CACNA1D: variants seen among roughly 807,000 people sequenced by gnomAD.
CACNA1D encodes calcium voltage-gated channel subunit alpha1 D.
CACNA1D carries 55 observed loss-of-function variants against 257.1 expected under a neutral mutation model. The observed-to-expected ratio is 0.21, with a 90% CI of 0.17 to 0.27. CACNA1D has a LOEUF of 0.27. Among genes scored for constraint, CACNA1D ranks in the 10% least tolerant of loss-of-function variants. The pLI is 1.00. For synonymous variants in CACNA1D, 980 were observed against 1,014.9 expected, an observed-to-expected ratio of 0.97 and a Z score of 0.65; for missense variants, 1,876 against 2,784.0, an observed-to-expected ratio of 0.67 and a Z score of 7.34.
intron 8 of CACNA1D, among the ~76,000 whole-genome samples, chr3:53,688,249 G>A (rs2094490559): frequency 1.3e-5 from 2 of 152,200 alleles, no homozygotes; most frequent in Admixed American, 6.5e-5. Context: ...ATCTGGCTGC[G>A]AGCTGTGCCA....
chr3:53,587,114 G>C (rs1392245860), intron 3 of CACNA1D, among the ~76,000 whole-genome samples: 10 of 152,222 alleles, frequency 6.6e-5, no homozygotes. Context: ...AGCCACTAAA[G>C]GGTTTTAAGC....
intron 8 of CACNA1D, among the ~76,000 whole-genome samples, chr3:53,678,742 G>A (rs2094399893): frequency 6.6e-6 from 1 of 151,932 alleles, no homozygotes; most frequent in Non-Finnish European, 1.5e-5. Flanking sequence ...TGCTGGTGCC[G>A]GTGTACTGTG....
intron 8 of CACNA1D, among the ~76,000 whole-genome samples, chr3:53,691,835 A>G (rs1286641734): frequency 1.0e-5 from 1 of 96,574 alleles, no homozygotes; most frequent in African/African-American, 4.0e-5. Flanking sequence ...TCTATAATAT[A>G]TATTACATAT....
At chr3:53,526,548 A>T (rs1367265224) in intron 3 of CACNA1D, among the ~76,000 whole-genome samples, 1 of 152,224 alleles carries the variant, frequency 6.6e-6, no homozygotes, top group Non-Finnish European at 1.5e-5. Flanking sequence ...CCTTGACCCT[A>T]ACCTTAATGG....
intron 3 of CACNA1D, among the ~76,000 whole-genome samples, chr3:53,636,509 T>C (rs986924908): frequency 1.3e-5 from 2 of 152,186 alleles, no homozygotes; most frequent in African/African-American, 2.4e-5. Flanking sequence ...TTTCACCCTG[T>C]TGGCCAAGCT....
chr3:53,675,907 A>G (rs1490297247), intron 8 of CACNA1D, among the ~76,000 whole-genome samples: 8 of 152,226 alleles, frequency 5.3e-5, no homozygotes, highest in South Asian at 4.1e-4. Flanking sequence ...GAGGCTGCAC[A>G]TGACCTCCTC....
At chr3:53,627,472 T>C (rs1334868547) in intron 3 of CACNA1D, among the ~76,000 whole-genome samples, 1 of 152,048 alleles carries the variant, frequency 6.6e-6, no homozygotes, top group African/African-American at 2.4e-5. Flanking sequence ...CAAACGTGAT[T>C]GTCTTGATGA....
chr3:53,728,296 G>A (rs2094955840), intron 15 of CACNA1D, among the ~76,000 whole-genome samples: 1 of 152,070 alleles, frequency 6.6e-6, no homozygotes, highest in Non-Finnish European at 1.5e-5. Context: ...GCACCACCAT[G>A]CCCAGCTAAT....
At position 53,665,740 on chromosome 3, in the gene CACNA1D, A is replaced by C. The variant is rs754201031; in HGVS notation, c.847A>C (p.Ile283Leu). ...AGCCCTTTTGGTATTATTTGTAATC[A>C]TAATCTATGCTATTATAGGATTGGA... Reference protein sequence around the residue: ...HIALLVLFVIIIYAIIGLELF... With the variant: ...HIALLVLFVILIYAIIGLELF... Residue 283 changes from isoleucine (I) to leucine (L), a missense_variant, in exon 6 of 48, where the codon ATA becomes CTA. Physicochemically the swap from Ile to Leu is conservative, Grantham distance 5 (BLOSUM62 2). Around this residue, in one of 10 missense-constraint regions of CACNA1D, gnomAD observed 188 missense variants for 390.4 expected, o/e 0.48. Coordinates refer to ENST00000350061, the MANE Select transcript of CACNA1D (RefSeq NM_001128840.3). The C allele has an allele frequency of 6.2e-7, 1 of 1,607,756 alleles. No individual in the cohort carries two copies. Among genetic ancestry groups the C allele is most frequent in the Non-Finnish European group, 8.5e-7 (1 of 1,174,364 alleles).
At position 53,709,452 on chromosome 3, in the gene CACNA1D, G is replaced by A. The variant is rs1029133003; in HGVS notation, c.1390+6642G>A. On this transcript the variant is annotated intron_variant, in intron 9 of 47. Coordinates refer to ENST00000350061, the MANE Select transcript of CACNA1D (RefSeq NM_001128840.3). ...CACATGCCCCTGTGTCTGCGTGCTC[G>A]TGTTCATGGTTTTGTGGGAGAGGAT... is the stretch of plus-strand genomic sequence containing the variant. Among the ~76,000 whole-genome samples the A allele has an allele frequency of 6.6e-5, 10 of 152,224 alleles. No individual in the cohort carries two copies. In the South Asian group the frequency reaches 1.0e-3, roughly 16 times the overall value.
At chr3:53,526,365 G>A (rs2091766149) in intron 3 of CACNA1D, among the ~76,000 whole-genome samples, 1 of 152,202 alleles carries the variant, frequency 6.6e-6, no homozygotes, top group Non-Finnish European at 1.5e-5. Context: ...ACTTGGGGCT[G>A]TATTCCCACC....
chr3:53,712,672 C>T (rs1184734433), intron 9 of CACNA1D, among the ~76,000 whole-genome samples: 1 of 152,120 alleles, frequency 6.6e-6, no homozygotes, highest in African/African-American at 2.4e-5. Flanking sequence ...AGGAAGGCAG[C>T]CACAACTCAG....
intron 2 of CACNA1D, among the ~76,000 whole-genome samples, chr3:53,500,983 T>G (rs1166440400): frequency 6.6e-6 from 1 of 152,240 alleles, no homozygotes; most frequent in Non-Finnish European, 1.5e-5. Context: ...GAAACAGTTA[T>G]AGCCATCGAT....
At chr3:53,726,073 T>A (rs532048775) in intron 14 of CACNA1D, among the ~76,000 whole-genome samples, 2 of 152,340 alleles carry the variant, frequency 1.3e-5, no homozygotes, top group East Asian at 3.9e-4. Flanking sequence ...ATGGACTATG[T>A]GGAATGCTAT....
In CACNA1D at chr3:53,770,072, C is replaced by G; in HGVS notation, c.3915+55C>G. 5 of 1,401,876 alleles carry G rather than the reference C, an allele frequency of 3.6e-6. 1 individual carries two copies. In the South Asian group the frequency reaches 5.8e-5, roughly 16 times the overall value. The allele number at this position is 1,401,876 out of a possible 1,614,324, so 86.8% of individuals were successfully genotyped here. On this transcript the variant is annotated intron_variant, in intron 31 of 47. Coordinates refer to ENST00000350061, the MANE Select transcript of CACNA1D (RefSeq NM_001128840.3). ...GGGCCTTTTCCTTAAGTTTATTTGA[C>G]CATGTCGAGTTTTCCACTGGTTTTT...
chr3:53,645,858 GT>G (rs914695371), intron 3 of CACNA1D, among the ~76,000 whole-genome samples: 3 of 152,156 alleles, frequency 2.0e-5, no homozygotes, highest in Non-Finnish European at 4.4e-5. Flanking sequence ...TGGGGAGACT[GT>G]TTTAGAAAGA....
Position 53,739,134 on chromosome 3 carries a change from A to C in CACNA1D, c.2752-1146A>C, listed in dbSNP as rs145150161. Among the ~76,000 whole-genome samples the C allele has an allele frequency of 1.6e-3, 244 of 152,286 alleles. 2 individuals are homozygous for C. The highest frequency in any genetic ancestry group is 5.7e-3 in the African/African-American group (236 of 41,572). On this transcript the variant is annotated intron_variant, in intron 20 of 47. Transcript: ENST00000350061. ...GACACAGCCCCCAGGCGACTCCTCTACCTACAACAGCTCACCCCTGTGACT... is the reference window on the plus strand; with the variant it reads ...GACACAGCCCCCAGGCGACTCCTCTCCCTACAACAGCTCACCCCTGTGACT...
intron 5 of CACNA1D, 81 bp from the exon 6 acceptor site, chr3:53,665,579 G>T: frequency 1.9e-6 from 2 of 1,038,576 alleles, no homozygotes; most frequent in Non-Finnish European, 3.0e-6. Context: ...CTAAGTAAAG[G>T]AGGCATGGTT....
Position 53,793,611 on chromosome 3 carries a change from G to T in CACNA1D, c.4924-6638G>T, listed in dbSNP as rs931038747. ...GACCACTTTCTAGATGGGACTTAGG[G>T]AGTGATTTAAATGGAACAAGAGAGT... On this transcript the variant is annotated intron_variant, in intron 40 of 47. Coordinates refer to ENST00000350061, the MANE Select transcript of CACNA1D (RefSeq NM_001128840.3). This position sits in a 1 kb window ranked among gnomAD's most constrained non-coding sequence, Gnocchi z 4.1. Among the ~76,000 whole-genome samples, 1 of 152,214 alleles carries T rather than the reference G, an allele frequency of 6.6e-6. No homozygotes were observed. Among genetic ancestry groups the T allele is most frequent in the South Asian group, 2.1e-4 (1 of 4,832 alleles).
Sources: allele counts gnomAD v4.1 joint callset (sites outside exome capture counted in the v4.1 genomes callset), GRCh38; gene constraint gnomAD v4.1.1; regional missense constraint gnomAD v4.1.1; non-coding constraint Gnocchi (gnomAD v3.1); transcripts MANE v1.5; gene names NCBI Gene and HGNC (gene_info 2026-07-23, HGNC 2026-07-21).